The following SUPT3H variants were observed in gnomAD, a reference collection of about 807,000 sequenced individuals.
SUPT3H encodes SPT3 homolog, SAGA and STAGA complex component.
SUPT3H carries 44 observed loss-of-function variants against 44.3 expected under a neutral mutation model. The ratio of observed to expected loss-of-function variants is 0.99; its 90% CI spans 0.78 to 1.28. SUPT3H has a LOEUF of 1.28. Among genes scored for constraint, SUPT3H ranks in the 50% most tolerant of loss-of-function variants. The pLI is 0.00. For missense variants in SUPT3H, 380 were observed against 387.1 expected (o/e 0.98, Z 0.15); for synonymous variants, 124 against 125.6 (o/e 0.99, Z 0.09).
At chr6:45,061,206 T>C (rs548292874) in intron 3 of SUPT3H, among the ~76,000 whole-genome samples, 1 of 152,218 alleles carries the variant, frequency 6.6e-6, no homozygotes, top group Non-Finnish European at 1.5e-5. Context: ...CAAATGCCCA[T>C]CAATTATACA....
At chr6:45,114,086 T>TA (rs1300009288) in intron 2 of SUPT3H, among the ~76,000 whole-genome samples, 2 of 151,812 alleles carry the variant, frequency 1.3e-5, no homozygotes, top group African/African-American at 2.4e-5. Context: ...AATGCTGACG[T>TA]AAAAAAATAC....
intron 3 of SUPT3H, among the ~76,000 whole-genome samples, chr6:45,078,075 G>C (rs1018010352): frequency 2.0e-5 from 3 of 152,158 alleles, no homozygotes; most frequent in Non-Finnish European, 4.4e-5. Flanking sequence ...GTTTCGCCAT[G>C]TTGGCCAGAC....
intron 2 of SUPT3H, among the ~76,000 whole-genome samples, chr6:45,127,620 G>A (rs963125347): frequency 6.6e-6 from 1 of 152,070 alleles, no homozygotes; most frequent in Non-Finnish European, 1.5e-5. Context: ...TTTTCTTCAT[G>A]TAGCTAGGAG....
intron 2 of SUPT3H, among the ~76,000 whole-genome samples, chr6:45,256,615 C>T (rs1452231693): frequency 6.6e-6 from 1 of 152,112 alleles, no homozygotes; most frequent in Non-Finnish European, 1.5e-5. Flanking sequence ...GAACCTCCAC[C>T]ACCACCACTC....
intron 9 of SUPT3H, among the ~76,000 whole-genome samples, chr6:44,948,431 T>A (rs185298230): frequency 0.12 from 18,200 of 151,900 alleles, 1,417 homozygotes; most frequent in East Asian, 0.27. Flanking sequence ...AGCAAAAGAA[T>A]CTACCATCAG....
intron 2 of SUPT3H, among the ~76,000 whole-genome samples, chr6:45,141,294 G>A (rs1156585795): frequency 1.6e-5 from 2 of 123,418 alleles, no homozygotes; most frequent in Admixed American, 2.0e-4. Flanking sequence ...GAGCTGGGTT[G>A]TGCCACTGCA....
chr6:45,154,881 A>C (rs1807562771), intron 2 of SUPT3H, among the ~76,000 whole-genome samples: 1 of 152,074 alleles, frequency 6.6e-6, no homozygotes, highest in Non-Finnish European at 1.5e-5. Flanking sequence ...TTTTCAGAGA[A>C]CCTTCAGAGG....
At chr6:45,186,078 TG>T (rs1266192384) in intron 2 of SUPT3H, among the ~76,000 whole-genome samples, 1 of 152,158 alleles carries the variant, frequency 6.6e-6, no homozygotes, top group African/African-American at 2.4e-5. Context: ...AAGGCATCAG[TG>T]GGCTGAGGAG....
At chr6:45,052,784 T>C (rs1284168114) in intron 3 of SUPT3H, among the ~76,000 whole-genome samples, 2 of 152,114 alleles carry the variant, frequency 1.3e-5, no homozygotes, top group Admixed American at 1.3e-4. Context: ...TAAAATGTGG[T>C]CCTTACCTTA....
chr6:45,035,744 G>T (rs1388313104), intron 3 of SUPT3H, among the ~76,000 whole-genome samples: 1 of 152,118 alleles, frequency 6.6e-6, no homozygotes, highest in Non-Finnish European at 1.5e-5. Flanking sequence ...TGAAGTAACT[G>T]TGGGTAGAAA....
At chr6:45,373,879 G>A (rs912422651) in intron 1 of SUPT3H, among the ~76,000 whole-genome samples, 7 of 152,172 alleles carry the variant, frequency 4.6e-5, no homozygotes, top group Admixed American at 3.9e-4. Flanking sequence ...ATTTGTAAAA[G>A]AGAACTGTCT....
chr6:45,184,237 A>G (rs1813781928), intron 2 of SUPT3H, among the ~76,000 whole-genome samples: 1 of 152,212 alleles, frequency 6.6e-6, no homozygotes, highest in South Asian at 2.1e-4. Context: ...AACATCGTGA[A>G]TGTAATTAAC....
chr6:45,224,001 T>C (rs1016029574), intron 2 of SUPT3H, among the ~76,000 whole-genome samples: 2 of 148,456 alleles, frequency 1.3e-5, no homozygotes, highest in African/African-American at 2.4e-5. Flanking sequence ...TCTTAATATA[T>C]ATTAAATATA....
At chr6:44,986,352 G>T (rs1779792270) in intron 6 of SUPT3H, among the ~76,000 whole-genome samples, 1 of 152,048 alleles carries the variant, frequency 6.6e-6, no homozygotes, top group Non-Finnish European at 1.5e-5. Context: ...CTATCCCATG[G>T]GTAGACTGTG....
At chr6:45,313,801 C>A (rs931236138) in intron 2 of SUPT3H, among the ~76,000 whole-genome samples, 1 of 151,808 alleles carries the variant, frequency 6.6e-6, no homozygotes, top group Non-Finnish European at 1.5e-5. Flanking sequence ...ATGAAGCCAG[C>A]GTCACCCTAA....
intron 2 of SUPT3H, among the ~76,000 whole-genome samples, chr6:45,199,786 A>G (rs947495162): frequency 1.3e-5 from 2 of 151,476 alleles, no homozygotes; most frequent in Non-Finnish European, 3.0e-5. Flanking sequence ...TACAAAAGCC[A>G]TTCATAATTC....
intron 2 of SUPT3H, among the ~76,000 whole-genome samples, chr6:45,298,710 G>A (rs956304776): frequency 6.6e-6 from 1 of 152,048 alleles, no homozygotes; most frequent in African/African-American, 2.4e-5. Flanking sequence ...ATTGGCCAAT[G>A]TAATTGTTAC....
intron 2 of SUPT3H, among the ~76,000 whole-genome samples, chr6:45,137,933 C>G (rs1046667900): frequency 6.6e-6 from 1 of 151,830 alleles, no homozygotes; most frequent in South Asian, 2.1e-4. Context: ...AAAGGACATG[C>G]CAAAAAGAGG....
At chr6:45,200,578 C>T (rs909819491) in intron 2 of SUPT3H, among the ~76,000 whole-genome samples, 1 of 151,366 alleles carries the variant, frequency 6.6e-6, no homozygotes, top group African/African-American at 2.4e-5. Context: ...TGTTTGTAAG[C>T]ACTTTACATT....
Sources: allele counts gnomAD v4.1 joint callset (sites outside exome capture counted in the v4.1 genomes callset), GRCh38; gene constraint gnomAD v4.1.1; transcripts MANE v1.5; gene names NCBI Gene and HGNC (gene_info 2026-07-23, HGNC 2026-07-21).